The following ROBO1 variants were observed in gnomAD, a reference collection of about 807,000 sequenced individuals.
ROBO1 encodes roundabout homolog 1.
In ROBO1, 149 loss-of-function variants were observed where a neutral mutation model predicts 195.9. The ratio of observed to expected loss-of-function variants is 0.76; its 90% CI spans 0.67 to 0.87. The LOEUF is 0.87. ROBO1 is among the 40% of genes least tolerant of loss of function. The probability of loss-of-function intolerance (pLI) is 0.00; values close to 1 mark genes in which losing one functional copy is unlikely to be tolerated. For synonymous variants in ROBO1, 816 were observed against 733.2 expected (o/e 1.11, Z -1.82); for missense variants, 1,933 against 2,068.3 (o/e 0.93, Z 1.27).
chr3:78,628,828 C>A (rs1575803006), intron 25 of ROBO1, among the ~76,000 whole-genome samples: 1 of 152,230 alleles, frequency 6.6e-6, no homozygotes, highest in South Asian at 2.1e-4. Flanking sequence ...CAATTCATTT[C>A]TATTCTGTCA....
At chr3:79,144,570 C>G (rs766670740) in intron 2 of ROBO1, among the ~76,000 whole-genome samples, 3 of 151,724 alleles carry the variant, frequency 2.0e-5, no homozygotes, top group Non-Finnish European at 2.9e-5. Flanking sequence ...GAATGGAGTA[C>G]GTGAACCTAA....
At chr3:79,701,449 C>A (rs1947619727) in intron 1 of ROBO1, among the ~76,000 whole-genome samples, 1 of 151,578 alleles carries the variant, frequency 6.6e-6, no homozygotes, top group Non-Finnish European at 1.5e-5. Flanking sequence ...ACCGAGATGA[C>A]AGAACTATGA....
At chr3:78,621,282 G>A (rs756929553) in intron 26 of ROBO1, among the ~76,000 whole-genome samples, 24 of 151,988 alleles carry the variant, frequency 1.6e-4, no homozygotes, top group Admixed American at 1.6e-3. Context: ...TACAGTCTTT[G>A]TCAGCATACA....
chr3:79,697,714 G>T (rs1054524695), intron 1 of ROBO1, among the ~76,000 whole-genome samples: 2 of 151,062 alleles, frequency 1.3e-5, no homozygotes, highest in Admixed American at 1.3e-4. Context: ...TCATAACAAG[G>T]AATTATAACC....
At chr3:79,646,087 T>C (rs549477353) in intron 1 of ROBO1, among the ~76,000 whole-genome samples, 1 of 152,154 alleles carries the variant, frequency 6.6e-6, no homozygotes, top group Admixed American at 6.6e-5. Context: ...AATGGCATTA[T>C]GTCAAGCTAA....
intron 2 of ROBO1, among the ~76,000 whole-genome samples, chr3:79,188,703 T>C (rs1262236646): frequency 6.6e-6 from 1 of 151,720 alleles, no homozygotes; most frequent in Non-Finnish European, 1.5e-5. Context: ...TTTTGGCCAA[T>C]GTGTTTGAGT....
At chr3:79,400,935 A>C (rs1335687581) in intron 2 of ROBO1, among the ~76,000 whole-genome samples, 1 of 151,846 alleles carries the variant, frequency 6.6e-6, no homozygotes, top group Non-Finnish European at 1.5e-5. Flanking sequence ...ATTTGATGTA[A>C]GGAGAGGAAA....
intron 3 of ROBO1, chr3:79,018,321 A>G: frequency 6.5e-7 from 1 of 1,541,684 alleles, no homozygotes; most frequent in Non-Finnish European, 8.9e-7. Context: ...AGGGGTAACC[A>G]AAATACACTT....
At chr3:79,300,390 T>A (rs1398544831) in intron 2 of ROBO1, among the ~76,000 whole-genome samples, 1 of 152,116 alleles carries the variant, frequency 6.6e-6, no homozygotes, top group Non-Finnish European at 1.5e-5. Context: ...GTGTACTGGG[T>A]CCCCCAGCAG....
rs762285946 is a variant in ROBO1 at position 79,046,415 on chromosome 3, C to T, written c.172+79041G>A. On this transcript the variant is annotated intron_variant, in intron 3 of 30. Transcript: ENST00000464233. ...TTAAAGGCACCCAGCTAAGCTGTAC[C>T]CAGATTTCGAAGTGATAGGAAAATA... 9.2e-4 allele frequency among the ~76,000 whole-genome samples: 140 copies of T among 152,030 alleles called. 1 individual carries two copies. Among genetic ancestry groups the T allele is most frequent in the Non-Finnish European group, 1.5e-3 (105 of 67,974 alleles).
intron 3 of ROBO1, among the ~76,000 whole-genome samples, chr3:79,058,069 A>C (rs146066085): frequency 6.6e-6 from 1 of 151,982 alleles, no homozygotes; most frequent in Non-Finnish European, 1.5e-5. Context: ...TTTAAGAAAA[A>C]TGAAAGGGGG....
intron 1 of ROBO1, among the ~76,000 whole-genome samples, chr3:79,697,249 G>C (rs1402243131): frequency 6.6e-6 from 1 of 151,328 alleles, no homozygotes; most frequent in Non-Finnish European, 1.5e-5. Flanking sequence ...GTTTGGAAGA[G>C]TCATTCAAAA....
chr3:79,465,614 T>A (rs549842986), intron 2 of ROBO1, among the ~76,000 whole-genome samples: 1 of 152,330 alleles, frequency 6.6e-6, no homozygotes, highest in East Asian at 1.9e-4. Context: ...TCAGTAGATT[T>A]TGAGTAAGAT....
intron 2 of ROBO1, among the ~76,000 whole-genome samples, chr3:79,496,646 C>G (rs1939763755): frequency 6.6e-6 from 1 of 150,928 alleles, no homozygotes; most frequent in Non-Finnish European, 1.5e-5. Flanking sequence ...CTCGGCCTCC[C>G]AAAGTGCTGG....
At chr3:79,180,805 T>G (rs577128513) in intron 2 of ROBO1, among the ~76,000 whole-genome samples, 8 of 152,076 alleles carry the variant, frequency 5.3e-5, no homozygotes, top group African/African-American at 1.9e-4. Flanking sequence ...AACAACAGCT[T>G]CTCCAGGGAA....
At chr3:78,624,872 T>TTA (rs1311695865) in intron 26 of ROBO1, among the ~76,000 whole-genome samples, 4 of 152,080 alleles carry the variant, frequency 2.6e-5, no homozygotes, top group African/African-American at 9.6e-5. Context: ...TGAGGGATGC[T>TTA]TACCAGGCAA....
At chr3:79,205,045 T>C (rs1277195612) in intron 2 of ROBO1, among the ~76,000 whole-genome samples, 2 of 152,180 alleles carry the variant, frequency 1.3e-5, no homozygotes, top group Non-Finnish European at 2.9e-5. Flanking sequence ...TAGGCTGGAC[T>C]GCAGTGGCGT....
chr3:79,041,952 C>T (rs1023378570), intron 3 of ROBO1, among the ~76,000 whole-genome samples: 15 of 152,172 alleles, frequency 9.9e-5, no homozygotes, highest in Non-Finnish European at 7.3e-5. Context: ...ACAACTCTGG[C>T]AGGTGAGACT....
chr3:78,725,735 A>G (rs185956706), intron 5 of ROBO1, among the ~76,000 whole-genome samples: 2 of 152,354 alleles, frequency 1.3e-5, no homozygotes, highest in East Asian at 3.9e-4. Flanking sequence ...AAGTAAATTC[A>G]GTAAACTTTT....
Sources: allele counts gnomAD v4.1 joint callset (sites outside exome capture counted in the v4.1 genomes callset), GRCh38; gene constraint gnomAD v4.1.1; transcripts MANE v1.5; gene names NCBI Gene and HGNC (gene_info 2026-07-23, HGNC 2026-07-21).